Variants in ZFP41 observed in about 807,000 individuals in gnomAD.
ZFP41 encodes zinc finger protein 41 homolog.
Under a neutral mutation model 11.6 loss-of-function variants are expected in ZFP41, and 10 were observed. The ratio of observed to expected loss-of-function variants is 0.86; its 90% confidence interval spans 0.53 to 1.47. ZFP41 has a LOEUF of 1.47. Among genes scored for constraint, ZFP41 ranks in the 40% most tolerant of loss-of-function variants. The pLI, the probability that ZFP41 is intolerant of heterozygous loss-of-function variation, is 0.00. For missense variants in ZFP41, 302 were observed against 264.6 expected, an observed-to-expected ratio of 1.14 and a Z score of -0.98; for synonymous variants, 123 against 100.9, an observed-to-expected ratio of 1.22 and a Z score of -1.31.
intron 1 of ZFP41, 36 bp downstream of exon 1, chr8:143,247,178 A>C (rs1299257096): frequency 6.6e-6 from 1 of 152,636 alleles, no homozygotes; most frequent in African/African-American, 2.4e-5. Flanking sequence ...CCTCCGGCCC[A>C]GGACGCGCAG....
Position 143,249,606 on chromosome 8 carries a change from G to T in ZFP41, c.-154-84G>T, listed in dbSNP as rs1816756608. ...TTGAGACACTCTTGGGGGAACACAT[G>T]GGAAGGGAGGGGCCGCACCTGAATC... On this transcript the variant is annotated intron_variant, in intron 1 of 2. Transcript: ENST00000330701. The T allele has an allele frequency of 1.1e-5, 6 of 524,252 alleles. No homozygotes were observed. The South Asian group carries it at 1.7e-4, about 15-fold the overall frequency. The allele number at this position is 524,252 out of a possible 1,614,324, so 32.5% of individuals were successfully genotyped here. A position where few individuals can be genotyped will look rare whatever the true frequency, so the allele number is the denominator to read the frequency against.
At chr8:143,251,435 G>C (rs1233755583) in intron 2 of ZFP41, 95 bp downstream of exon 2, 1 of 152,744 alleles carries the variant, frequency 6.5e-6, no homozygotes, top group East Asian at 1.9e-4. Flanking sequence ...CAGGAGCAGT[G>C]TGGACGGGAT....
chr8:143,251,491 C>G (rs1814752980), intron 2 of ZFP41, among the ~76,000 whole-genome samples, 151 bp downstream of exon 2: 1 of 152,238 alleles, frequency 6.6e-6, no homozygotes, highest in Non-Finnish European at 1.5e-5. Context: ...TAGCAAATGA[C>G]TTTGTAAACC....
At chr8:143,259,501 T>G (rs1361366890) in intron 2 of ZFP41, among the ~76,000 whole-genome samples, 1 of 152,182 alleles carries the variant, frequency 6.6e-6, no homozygotes, top group African/African-American at 2.4e-5. Context: ...CCTCCCACCT[T>G]CCTTAACGTT....
chr8:143,258,763 G>A (rs571414336), intron 2 of ZFP41, among the ~76,000 whole-genome samples: 7 of 152,140 alleles, frequency 4.6e-5, no homozygotes, highest in Admixed American at 2.6e-4. Context: ...TCCATGGCTC[G>A]TAAATACCTG....
rs1044210385 is a variant in ZFP41, at chr8:143,262,036, C to T, written c.*3162C>T. The T allele has an allele frequency of 2.7e-5, 5 of 187,908 alleles. No homozygotes were observed. The highest frequency in any genetic ancestry group is 6.9e-5 in the Admixed American group (1 of 14,480). 11.6% of individuals were successfully genotyped at this position (187,908 alleles called of 1,614,324 possible). On this transcript the variant is annotated 3_prime_UTR_variant, in exon 3 of 3. Transcript: ENST00000330701. The stretch of plus-strand genomic sequence containing the variant: ...GGCAGCCCCTGCCTGCACCCGCACC[C>T]CTCACGGCTGTCTCCGGCAGCCCCT...
At chr8:143,248,705 C>T (rs756602538) in intron 1 of ZFP41, among the ~76,000 whole-genome samples, 41 of 152,152 alleles carry the variant, frequency 2.7e-4, no homozygotes, top group Non-Finnish European at 4.4e-4. Context: ...CTGCCCACCC[C>T]AGCAGAGATG....
At chr8:143,259,376 G>A (rs1357932609) in intron 2 of ZFP41, among the ~76,000 whole-genome samples, 1 of 152,238 alleles carries the variant, frequency 6.6e-6, no homozygotes, top group African/African-American at 2.4e-5. Flanking sequence ...GGCCGGCACA[G>A]GGCACGGGCC....
In ZFP41 at chr8:143,261,887, GGCAGCACCTGCCACGCCCGTCTCC is replaced by G. The variant is rs1815049947; in HGVS notation, c.*3015_*3038del. 2 of 16,018 alleles carry G rather than the reference GGCAGCACCTGCCACGCCCGTCTCC, an allele frequency of 1.2e-4. No homozygotes were observed. Among genetic ancestry groups the G allele is most frequent in the African/African-American group, 9.3e-4 (2 of 2,142 alleles). The allele number at this position is 16,018 out of a possible 1,614,324, so 1.0% of individuals were successfully genotyped here. A position where few individuals can be genotyped will look rare whatever the true frequency, so the allele number is the denominator to read the frequency against. ...CCCTGCACCTGCCACGCCCGTCTCC[GGCAGCACCTGCCACGCCCGTCTCC>G]GGCAGCACCTGCCACGCCCGTCTCC... On this transcript the variant is annotated 3_prime_UTR_variant, in exon 3 of 3. Coordinates refer to ENST00000330701, the MANE Select transcript of ZFP41 (RefSeq NM_173832.6).
rs1466832152 is a variant in ZFP41 at position 143,261,399 on chromosome 8, A to C, written c.*2525A>C. The C allele has an allele frequency of 6.6e-6, 1 of 152,310 alleles. No homozygotes were observed. Among genetic ancestry groups the C allele is most frequent in the Non-Finnish European group, 1.5e-5 (1 of 68,236 alleles). 9.4% of individuals were successfully genotyped at this position (152,310 alleles called of 1,614,324 possible). On this transcript the variant is annotated 3_prime_UTR_variant, in exon 3 of 3. Coordinates refer to ENST00000330701, the MANE Select transcript of ZFP41 (RefSeq NM_173832.6). ...GGCGGTGGTGGGCAGGGCTCCTGAG[A>C]AGCCGGGGCAGGGCAGGGTGTCTCT...
In ZFP41 at chr8:143,249,778, T is replaced by C; in HGVS notation, c.-66T>C. 6.6e-7 allele frequency: 1 copy of C among 1,511,738 alleles called. No individual in the cohort carries two copies. Among genetic ancestry groups the C allele is most frequent in the African/African-American group, 1.4e-5 (1 of 71,558 alleles). The allele number at this position is 1,511,738 out of a possible 1,614,324, so 93.6% of individuals were successfully genotyped here. A position where few individuals can be genotyped will look rare whatever the true frequency, so the allele number is the denominator to read the frequency against. On this transcript the variant is annotated 5_prime_UTR_variant, in exon 2 of 3. The change abolishes the stop of an existing upstream ORF in the 5' untranslated region. Coordinates refer to ENST00000330701, the MANE Select transcript of ZFP41 (RefSeq NM_173832.6). ...GAGAGGTGCGTGGGAAGCAAGCCATTGAGGAAGTGGGGCCAACAGAGAGGT... is the reference window on the plus strand; with the variant it reads ...GAGAGGTGCGTGGGAAGCAAGCCATCGAGGAAGTGGGGCCAACAGAGAGGT...
At chr8:143,258,442 C>G (rs1186202588) in intron 2 of ZFP41, among the ~76,000 whole-genome samples, 3 of 152,198 alleles carry the variant, frequency 2.0e-5, no homozygotes, top group Non-Finnish European at 4.4e-5. Flanking sequence ...GGAGCCATGT[C>G]CTGGAGTCAC....
At chr8:143,253,211 A>C (rs1814821807) in intron 2 of ZFP41, 1 of 152,284 alleles carries the variant, frequency 6.6e-6, no homozygotes, top group South Asian at 2.1e-4. Flanking sequence ...GGCGGTCCTC[A>C]CTGACGTCCT....
chr8:143,254,856 A>C (rs1259421865), intron 2 of ZFP41, among the ~76,000 whole-genome samples: 4 of 152,102 alleles, frequency 2.6e-5, no homozygotes, highest in East Asian at 1.9e-4. Context: ...AGGAAGCATT[A>C]CTTTTAATGC....
intron 2 of ZFP41, 44 bp from the exon 3 acceptor site, chr8:143,259,731 C>T (rs1449394416): frequency 6.6e-6 from 1 of 152,200 alleles, no homozygotes; most frequent in African/African-American, 2.4e-5. Context: ...CGGGTAATCA[C>T]CGCACTTCTC....
In ZFP41 at chr8:143,250,736, A is replaced by G. The variant is rs946921045; in HGVS notation, c.*296A>G. ...TTCCCGATGGCGAACGGGGCTCAGC[A>G]CCAGAGACCAGGGAGTATTCACTGC... On this transcript the variant is annotated 3_prime_UTR_variant, in exon 2 of 3. Coordinates refer to ENST00000330701, the MANE Select transcript of ZFP41 (RefSeq NM_173832.6). The G allele has an allele frequency of 4.0e-5, 19 of 477,050 alleles. No individual in the cohort carries two copies. Among genetic ancestry groups the G allele is most frequent in the Admixed American group, 1.0e-4 (3 of 28,620 alleles). The allele number at this position is 477,050 out of a possible 1,614,324, so 29.6% of individuals were successfully genotyped here. A position where few individuals can be genotyped will look rare whatever the true frequency, so the allele number is the denominator to read the frequency against.
At position 143,247,120 on chromosome 8, in the gene ZFP41, C is replaced by A. The variant is rs908770186; in HGVS notation, c.-177C>A. On this transcript the variant is annotated 5_prime_UTR_variant, in exon 1 of 3. Coordinates refer to ENST00000330701, the MANE Select transcript of ZFP41 (RefSeq NM_173832.6). ...TCCGCGCTCTGCAGCGGGAGGTCCT[C>A]GTCGCCTCTCGTCTCCAGCCAGGTA... 1 of 152,378 alleles carries A rather than the reference C, an allele frequency of 6.6e-6. No individual in the cohort carries two copies. 9.4% of individuals were successfully genotyped at this position (152,378 alleles called of 1,614,324 possible).
chr8:143,254,527 A>T (rs534846400), intron 2 of ZFP41, among the ~76,000 whole-genome samples: 7 of 152,144 alleles, frequency 4.6e-5, no homozygotes, highest in Non-Finnish European at 1.0e-4. Flanking sequence ...AGGATGGCCC[A>T]GGAGACGGGC....
intron 2 of ZFP41, among the ~76,000 whole-genome samples, chr8:143,254,888 C>G (rs1051167805): frequency 6.6e-6 from 1 of 152,124 alleles, no homozygotes; most frequent in African/African-American, 2.4e-5. Context: ...CCAGTTGAAT[C>G]GAAAAGGCAC....
Sources: gnomAD v4.1 joint callset for allele counts (sites outside exome capture counted in the v4.1 genomes callset) on GRCh38, gnomAD v4.1.1 for gene constraint, MANE v1.5 for transcripts, NCBI Gene and HGNC (gene_info 2026-07-23, HGNC 2026-07-21) for gene names.